The following LARS2 variants were observed in gnomAD, a reference collection of about 807,000 sequenced individuals.
LARS2 encodes the protein leucine--tRNA ligase, mitochondrial.
A neutral mutation model predicts 116.6 loss-of-function variants in LARS2; 81 were observed. The ratio of observed to expected loss-of-function variants is 0.69; its 90% confidence interval spans 0.58 to 0.84. The LOEUF is 0.84. Among genes scored for constraint, LARS2 ranks in the 40% least tolerant of loss-of-function variants. The probability of loss-of-function intolerance (pLI) is 0.00; values close to 1 mark genes in which losing one functional copy is unlikely to be tolerated. For synonymous variants in LARS2, 396 were observed against 407.2 expected (o/e 0.97, Z 0.33); for missense variants, 968 against 1,114.5 (o/e 0.87, Z 1.87).
chr3:45,432,722 C>T (rs767783243), intron 6 of LARS2, among the ~76,000 whole-genome samples: 1 of 151,476 alleles, frequency 6.6e-6, no homozygotes, highest in Non-Finnish European at 1.5e-5. Context: ...TATGGAACTA[C>T]AAAGAGAAGA....
chr3:45,538,287 A>T (rs1432547149), intron 20 of LARS2: 2 of 152,076 alleles, frequency 1.3e-5, no homozygotes, highest in Non-Finnish European at 2.9e-5. Context: ...TTTAAAGTGG[A>T]ATTTGTAACA....
chr3:45,393,685 G>A (rs764581154), intron 2 of LARS2, among the ~76,000 whole-genome samples: 1 of 152,104 alleles, frequency 6.6e-6, no homozygotes, highest in East Asian at 1.9e-4. Flanking sequence ...TAAATATTTG[G>A]TGGTGGCTCA....
At chr3:45,510,260 A>G (rs151020810) in intron 15 of LARS2, among the ~76,000 whole-genome samples, 2,066 of 152,064 alleles carry the variant, frequency 0.014, 35 homozygotes, top group African/African-American at 0.047. Context: ...CAAAAATACA[A>G]AAAATTAGCT....
At position 45,400,440 on chromosome 3, in the gene LARS2, T is replaced by C. The variant is rs930357628; in HGVS notation, c.363+67T>C. 3 of 1,472,716 alleles carry C rather than the reference T, an allele frequency of 2.0e-6. No homozygotes were observed. The African/African-American group carries it at 4.3e-5, about 21-fold the overall frequency. The allele number at this position is 1,472,716 out of a possible 1,614,324, so 91.2% of individuals were successfully genotyped here. On this transcript the variant is annotated intron_variant, in intron 4 of 21. Transcript: ENST00000645846. ...CGCAGGGTTGGCATGTAGTAATATG[T>C]GTTCAAGACAAATGAAGAAAACCAA...
intron 5 of LARS2, among the ~76,000 whole-genome samples, chr3:45,419,105 A>G (rs1698476745): frequency 6.6e-6 from 1 of 152,250 alleles, no homozygotes; most frequent in African/African-American, 2.4e-5. Context: ...TTTCTTTAAA[A>G]AAATGAAAGA....
intron 7 of LARS2, among the ~76,000 whole-genome samples, chr3:45,458,205 A>G (rs1699245693): frequency 6.6e-6 from 1 of 151,844 alleles, no homozygotes; most frequent in Admixed American, 6.5e-5. Context: ...TAAGATACCA[A>G]AGTTGAGTTA....
intron 8 of LARS2, 136 bp downstream of exon 8, chr3:45,459,022 G>A: frequency 3.7e-6 from 3 of 821,566 alleles, no homozygotes; most frequent in East Asian, 2.5e-5. Context: ...GTACAGACAG[G>A]AAGCAGCTGA....
intron 20 of LARS2, among the ~76,000 whole-genome samples, chr3:45,540,776 C>A (rs1400665812): frequency 2.0e-5 from 3 of 151,820 alleles, no homozygotes; most frequent in Non-Finnish European, 4.4e-5. Flanking sequence ...ATCTATCTAT[C>A]TATCTATCTA....
intron 2 of LARS2, among the ~76,000 whole-genome samples, chr3:45,392,122 A>G (rs1697963603): frequency 6.6e-6 from 1 of 152,226 alleles, no homozygotes; most frequent in African/African-American, 2.4e-5. Flanking sequence ...AGTTCTAATT[A>G]TAGCAACCTA....
intron 10 of LARS2, among the ~76,000 whole-genome samples, chr3:45,479,664 G>A (rs1238484772): frequency 2.6e-5 from 4 of 152,212 alleles, no homozygotes; most frequent in East Asian, 3.9e-4. Context: ...CGTTGACGTC[G>A]CCTCCTTCTC....
chr3:45,456,184 G>C (rs1699210572), intron 7 of LARS2, among the ~76,000 whole-genome samples: 1 of 152,070 alleles, frequency 6.6e-6, no homozygotes, highest in African/African-American at 2.4e-5. Flanking sequence ...GTGAGGTGAT[G>C]GGTATTTTAA....
chr3:45,420,284 G>A (rs1037026333), intron 6 of LARS2, among the ~76,000 whole-genome samples: 3 of 152,210 alleles, frequency 2.0e-5, no homozygotes, highest in Middle Eastern at 6.3e-3. Flanking sequence ...GAACACTCGT[G>A]TTGCAAACAA....
Position 45,548,749 on chromosome 3 carries a change from T to C in LARS2, c.*1219T>C, listed in dbSNP as rs1467759457. 2 of 152,268 alleles carry C rather than the reference T, an allele frequency of 1.3e-5. No homozygotes were observed. The highest frequency in any genetic ancestry group is 4.8e-5 in the African/African-American group (2 of 41,482). 9.4% of individuals were successfully genotyped at this position (152,268 alleles called of 1,614,324 possible). On this transcript the variant is annotated 3_prime_UTR_variant, in exon 22 of 22. Transcript: ENST00000645846. ...TCTATATATGTTATCTGATGCCATT[T>C]TTCTGAAGTAGCCTCACATGTGGTC... is the stretch of plus-strand genomic sequence containing the variant.
intron 11 of LARS2, among the ~76,000 whole-genome samples, chr3:45,486,905 A>T (rs1429869351): frequency 6.6e-6 from 1 of 152,148 alleles, no homozygotes; most frequent in Non-Finnish European, 1.5e-5. Context: ...TTTGAAGGAA[A>T]AAAATCGGAT....
intron 10 of LARS2, among the ~76,000 whole-genome samples, chr3:45,484,777 CA>C (rs1183341302): frequency 6.7e-6 from 1 of 149,886 alleles, no homozygotes; most frequent in Non-Finnish European, 1.5e-5. Flanking sequence ...AAATATTGTT[CA>C]ACTGAGCCAA....
At chr3:45,468,381 C>A (rs1220764586) in intron 8 of LARS2, among the ~76,000 whole-genome samples, 2 of 152,130 alleles carry the variant, frequency 1.3e-5, no homozygotes, top group Non-Finnish European at 2.9e-5. Context: ...ATAATAAGAC[C>A]ACTTTTCAGG....
chr3:45,476,381 A>AGGGAAG, intron 9 of LARS2, 87 bp from the exon 10 acceptor site: 1 of 1,375,248 alleles, frequency 7.3e-7, no homozygotes, highest in Non-Finnish European at 1.0e-6. Context: ...GGGAATGAGG[A>AGGGAAG]GGGAAGGGGA....
At chr3:45,484,466 T>A (rs1699758529) in intron 10 of LARS2, among the ~76,000 whole-genome samples, 1 of 150,036 alleles carries the variant, frequency 6.7e-6, no homozygotes, top group South Asian at 2.1e-4. Flanking sequence ...TACACTTCAT[T>A]TAAGATGATA....
At chr3:45,448,439 GCCAAGA>G (rs1280353333) in intron 7 of LARS2, among the ~76,000 whole-genome samples, 1 of 152,104 alleles carries the variant, frequency 6.6e-6, no homozygotes, top group Non-Finnish European at 1.5e-5. Flanking sequence ...CTACAGTAGT[GCCAAGA>G]CCAGCTCGGT....
Sources: allele counts gnomAD v4.1 joint callset (sites outside exome capture counted in the v4.1 genomes callset), GRCh38; gene constraint gnomAD v4.1.1; transcripts MANE v1.5; gene names NCBI Gene and HGNC (gene_info 2026-07-23, HGNC 2026-07-21).